PCNA: variants seen among roughly 807,000 people sequenced by gnomAD.
PCNA encodes the protein proliferating cell nuclear antigen.
Under a neutral mutation model 27.8 loss-of-function variants are expected in PCNA, and 4 were observed. That is an observed-to-expected ratio of 0.14 (90% CI 0.07 to 0.33). PCNA has a LOEUF of 0.33. PCNA is among the 10% of genes least tolerant of loss of function. The probability of loss-of-function intolerance (pLI) is 1.00; values close to 1 mark genes in which losing one functional copy is unlikely to be tolerated. For synonymous variants in PCNA, 121 were observed against 119.4 expected, an observed-to-expected ratio of 1.01 and a Z score of -0.09; for missense variants, 165 against 327.4, an observed-to-expected ratio of 0.50 and a Z score of 3.83.
chr20:5,124,736 C>T (rs556373907), upstream of PCNA, among the ~76,000 whole-genome samples: 80 of 152,144 alleles, frequency 5.3e-4, no homozygotes, highest in Non-Finnish European at 1.0e-3. Flanking sequence ...TCCACCAGAC[C>T]CCTGTTCGTC....
chr20:5,115,525 C>T lies in PCNA; in HGVS notation c.630G>A (p.Arg210=). The change falls in exon 5 of 6, where the codon AGG becomes AGA. Residue 210 remains arginine, a synonymous_variant. Coordinates refer to ENST00000379143, the MANE Select transcript of PCNA (RefSeq NM_182649.2). ...TGGCTTTTGTAAAGAAGTTCAGGTA[C>T]CTCAGTGCAAAAGTTAGTTGAACTG... ...NEPVQLTFAL[R]YLNFFTKATP... The T allele has an allele frequency of 6.2e-7, 1 of 1,613,666 alleles. No individual in the cohort carries two copies. The highest frequency in any genetic ancestry group is 8.5e-7 in the Non-Finnish European group (1 of 1,179,626).
At chr20:5,122,562 C>G (rs1323796717), upstream of PCNA, among the ~76,000 whole-genome samples, 1 of 152,172 alleles carries the variant, frequency 6.6e-6, no homozygotes, top group Non-Finnish European at 1.5e-5. Flanking sequence ...CACTTTCTTG[C>G]TTTATGTGTG....
At chr20:5,126,524 C>T (rs2090550008) in exon 1 of PCNA, 1 of 152,282 alleles carries the variant, frequency 6.6e-6, no homozygotes, top group South Asian at 2.1e-4. Flanking sequence ...AGCTCTGGCC[C>T]AGGTCAGCAA....
intron 2 of PCNA, 25 bp downstream of exon 2, chr20:5,118,744 G>T: frequency 6.2e-7 from 1 of 1,607,544 alleles, no homozygotes; most frequent in South Asian, 1.1e-5. Flanking sequence ...GTAGCTTCGT[G>T]ACTCGGTAAA....
upstream of PCNA, among the ~76,000 whole-genome samples, chr20:5,122,947 C>T (rs546046485): frequency 6.6e-6 from 1 of 152,114 alleles, no homozygotes; most frequent in African/African-American, 2.4e-5. Context: ...TGTACAGTTA[C>T]GTAAATTTTA....
At chr20:5,120,681 CAT>C (rs1423472361), upstream of PCNA, among the ~76,000 whole-genome samples, 6 of 152,206 alleles carry the variant, frequency 3.9e-5, no homozygotes, top group South Asian at 4.1e-4. Flanking sequence ...ATGTATATAA[CAT>C]AATTTATCAA....
intron 2 of PCNA, 44 bp downstream of exon 2, chr20:5,118,725 T>C (rs760746456): frequency 2.5e-6 from 4 of 1,607,126 alleles, no homozygotes; most frequent in Non-Finnish European, 3.4e-6. Flanking sequence ...CACAGAGTTT[T>C]GATTTTCTGT....
At chr20:5,125,074 C>T (rs2090538148) in intron 1 of PCNA, among the ~76,000 whole-genome samples, 1 of 152,144 alleles carries the variant, frequency 6.6e-6, no homozygotes, top group African/African-American at 2.4e-5. Flanking sequence ...TGCTGTGGCT[C>T]ATGCCTGTAA....
upstream of PCNA, among the ~76,000 whole-genome samples, chr20:5,124,489 C>A (rs915226540): frequency 6.6e-6 from 1 of 151,716 alleles, no homozygotes; most frequent in African/African-American, 2.4e-5. Flanking sequence ...AATTAGCCAG[C>A]TGTGGTGGCG....
upstream of PCNA, among the ~76,000 whole-genome samples, chr20:5,121,768 G>C (rs2122914400): frequency 6.6e-6 from 1 of 151,450 alleles, no homozygotes; most frequent in South Asian, 2.1e-4. Context: ...TGGGACTACA[G>C]GGGTGCACCA....
rs921700175 is a variant in PCNA, at chr20:5,117,425, A to C, written c.582+45T>G. 3.0e-6 allele frequency: 4 copies of C among 1,350,324 alleles called. No homozygotes were observed. In the African/African-American group the frequency reaches 5.8e-5, roughly 20 times the overall value. The allele number at this position is 1,350,324 out of a possible 1,614,324, so 83.6% of individuals were successfully genotyped here. A position where few individuals can be genotyped will look rare whatever the true frequency, so the allele number is the denominator to read the frequency against. ...AGCAATTAACCTAATAAGCAGTATT[A>C]TAATTCTCTTCAAACTATTTTCTTT... On this transcript the variant is annotated intron_variant, in intron 4 of 5. Coordinates refer to ENST00000379143, the MANE Select transcript of PCNA (RefSeq NM_182649.2).
chr20:5,115,380 G>A lies in PCNA; in HGVS notation c.707-18C>T. On this transcript the variant is annotated intron_variant, in intron 5 of 5. Coordinates refer to ENST00000379143, the MANE Select transcript of PCNA (RefSeq NM_182649.2). Reference sequence around the variant, plus strand: ...CTCTACAACTGAAAGACAGGAAGATGGTTAATTACTGAGGAGTATGTATCA... The same window carrying A: ...CTCTACAACTGAAAGACAGGAAGATAGTTAATTACTGAGGAGTATGTATCA... 1 of 1,613,320 alleles carries A rather than the reference G, an allele frequency of 6.2e-7. No homozygotes were observed. The highest frequency in any genetic ancestry group is 8.5e-7 in the Non-Finnish European group (1 of 1,179,364).
At chr20:5,124,138 G>A (rs1313620615), upstream of PCNA, among the ~76,000 whole-genome samples, 1 of 152,220 alleles carries the variant, frequency 6.6e-6, no homozygotes, top group African/African-American at 2.4e-5. Flanking sequence ...TTAACACCTG[G>A]TGTGTTAGGA....
upstream of PCNA, among the ~76,000 whole-genome samples, chr20:5,122,602 A>G (rs1291627931): frequency 6.6e-6 from 1 of 152,226 alleles, no homozygotes; most frequent in Admixed American, 6.5e-5. Flanking sequence ...ACATCTCAAT[A>G]TCAAAACATA....
At chr20:5,117,366 T>G in intron 4 of PCNA, 104 bp downstream of exon 4, 1 of 759,464 alleles carries the variant, frequency 1.3e-6, no homozygotes, top group South Asian at 1.9e-5. Flanking sequence ...TTTCAGAAAT[T>G]ACTTGGGATC....
At chr20:5,116,813 C>T (rs1463057564) in intron 4 of PCNA, among the ~76,000 whole-genome samples, 2 of 152,056 alleles carry the variant, frequency 1.3e-5, no homozygotes, top group African/African-American at 2.4e-5. Flanking sequence ...CCACCACACC[C>T]GGCTAATTTT....
chr20:5,121,204 T>C (rs575542541), upstream of PCNA, among the ~76,000 whole-genome samples: 1 of 152,308 alleles, frequency 6.6e-6, no homozygotes, highest in East Asian at 1.9e-4. Context: ...TTAGTTACTT[T>C]TAATACCTTG....
chr20:5,121,453 A>G (rs982556097), upstream of PCNA: 12 of 135,936 alleles, frequency 8.8e-5, no homozygotes, highest in Non-Finnish European at 1.7e-4. Context: ...GATGAGTTTC[A>G]CAGTCTCTTC....
chr20:5,115,215 G>GT lies in PCNA; in HGVS notation c.*67dup. ...AAATTTGGTGACAGAAAAGACTTCA[G>GT]TATATGCTGGCATCTTAGAAGCAGT... On this transcript the variant is annotated 3_prime_UTR_variant, in exon 6 of 6. Coordinates refer to ENST00000379143, the MANE Select transcript of PCNA (RefSeq NM_182649.2). 2 of 1,188,380 alleles carry GT rather than the reference G, an allele frequency of 1.7e-6. No individual in the cohort carries two copies. Among genetic ancestry groups the GT allele is most frequent in the Non-Finnish European group, 2.5e-6 (2 of 802,390 alleles). 73.6% of individuals were successfully genotyped at this position (1,188,380 alleles called of 1,614,324 possible). A position where few individuals can be genotyped will look rare whatever the true frequency, so the allele number is the denominator to read the frequency against.
Sources: gnomAD v4.1 joint callset for allele counts (sites outside exome capture counted in the v4.1 genomes callset) on GRCh38, gnomAD v4.1.1 for gene constraint, MANE v1.5 for transcripts, NCBI Gene and HGNC (gene_info 2026-07-23, HGNC 2026-07-21) for gene names.